C8orf34: variants seen among roughly 807,000 people sequenced by gnomAD.
The protein encoded by C8orf34 is chromosome 8 open reading frame 34.
Under a neutral mutation model 68.3 loss-of-function variants are expected in C8orf34, and 65 were observed. The ratio of observed to expected loss-of-function variants is 0.95; its 90% CI spans 0.78 to 1.17. C8orf34 has a LOEUF of 1.17. C8orf34 is among the 50% of genes most tolerant of loss of function. C8orf34 has a pLI of 0.00. For synonymous variants in C8orf34, 244 were observed against 241.2 expected, an observed-to-expected ratio of 1.01 and a Z score of -0.11; for missense variants, 664 against 655.4, an observed-to-expected ratio of 1.01 and a Z score of -0.14.
chr8:68,554,189 T>G (rs1261627517), intron 7 of C8orf34, among the ~76,000 whole-genome samples: 4 of 152,176 alleles, frequency 2.6e-5, no homozygotes, highest in African/African-American at 9.6e-5. Context: ...AGATGTATGT[T>G]ATACTTACAA....
At chr8:68,530,637 G>A (rs1207401676) in intron 6 of C8orf34, 10 of 1,216,764 alleles carry the variant, frequency 8.2e-6, no homozygotes, top group African/African-American at 1.6e-5. Context: ...AGATGCCATG[G>A]CAAGAGACTG....
intron 5 of C8orf34, among the ~76,000 whole-genome samples, chr8:68,506,825 C>T (rs1485496274): frequency 6.6e-6 from 1 of 151,406 alleles, no homozygotes; most frequent in Non-Finnish European, 1.5e-5. Context: ...TTTAATCTAC[C>T]ACATCTCTTT....
At chr8:68,655,532 T>C (rs1819486587) in intron 8 of C8orf34, among the ~76,000 whole-genome samples, 1 of 152,186 alleles carries the variant, frequency 6.6e-6, no homozygotes, top group South Asian at 2.1e-4. Flanking sequence ...TTCTGATTTT[T>C]TTCCTAGGCT....
intron 6 of C8orf34, chr8:68,525,931 C>T (rs1203304892): frequency 1.4e-5 from 3 of 221,802 alleles, no homozygotes; most frequent in South Asian, 5.5e-5. Context: ...AAGATGGCAG[C>T]TGAAAGAGAC....
At chr8:68,578,223 T>C (rs534735039) in intron 7 of C8orf34, among the ~76,000 whole-genome samples, 1 of 152,096 alleles carries the variant, frequency 6.6e-6, no homozygotes, top group Admixed American at 6.6e-5. Context: ...AACATGGAAT[T>C]TGATGTCTTG....
At chr8:68,405,499 G>T (rs1359163499) in intron 1 of C8orf34, among the ~76,000 whole-genome samples, 1 of 152,150 alleles carries the variant, frequency 6.6e-6, no homozygotes, top group East Asian at 1.9e-4. Flanking sequence ...GATTCAGCTG[G>T]ACTGGCAGAC....
intron 1 of C8orf34, among the ~76,000 whole-genome samples, chr8:68,417,031 C>T (rs886158158): frequency 9.9e-5 from 15 of 152,160 alleles, no homozygotes; most frequent in Admixed American, 6.6e-4. Flanking sequence ...ATGGGTTGAG[C>T]TTCTCTCTTG....
intron 10 of C8orf34, among the ~76,000 whole-genome samples, chr8:68,736,206 T>G (rs1822118074): frequency 1.3e-5 from 2 of 152,174 alleles, no homozygotes; most frequent in Admixed American, 1.3e-4. Flanking sequence ...TTTGATGTGT[T>G]TTCATACTGT....
chr8:68,583,955 C>A (rs1462596672), intron 7 of C8orf34, among the ~76,000 whole-genome samples: 3 of 151,900 alleles, frequency 2.0e-5, no homozygotes, highest in Admixed American at 6.6e-5. Flanking sequence ...TATGCAATCA[C>A]AAAAATTTTC....
chr8:68,454,662 GTTTTCTTAACT>G (rs1184349961), intron 3 of C8orf34, among the ~76,000 whole-genome samples: 1 of 151,840 alleles, frequency 6.6e-6, no homozygotes, highest in Non-Finnish European at 1.5e-5. Flanking sequence ...TCTAGCTAAA[GTTTTCTTAACT>G]TTTTCATCTT....
intron 4 of C8orf34, among the ~76,000 whole-genome samples, chr8:68,480,614 A>C (rs964865318): frequency 7.2e-5 from 11 of 152,208 alleles, no homozygotes; most frequent in Non-Finnish European, 1.5e-4. Flanking sequence ...AGTGATATGA[A>C]CAATAAGGTC....
chr8:68,711,900 C>G (rs111752106), intron 9 of C8orf34, among the ~76,000 whole-genome samples: 10,681 of 152,034 alleles, frequency 0.07, 480 homozygotes, highest in Non-Finnish European at 0.11. Context: ...TATCTAAAGT[C>G]AAGATGAAGG....
intron 8 of C8orf34, among the ~76,000 whole-genome samples, chr8:68,701,986 A>C (rs1402543729): frequency 6.6e-6 from 1 of 151,920 alleles, no homozygotes; most frequent in Non-Finnish European, 1.5e-5. Context: ...ACACACTATG[A>C]AGTTGTACAC....
intron 8 of C8orf34, among the ~76,000 whole-genome samples, chr8:68,692,506 A>G (rs1352748704): frequency 6.6e-6 from 1 of 152,038 alleles, no homozygotes; most frequent in Admixed American, 6.6e-5. Flanking sequence ...TTTGAATTCC[A>G]GCTTATATAG....
chr8:68,545,195 G>A (rs1159159336), intron 7 of C8orf34, among the ~76,000 whole-genome samples: 1 of 152,092 alleles, frequency 6.6e-6, no homozygotes, highest in Non-Finnish European at 1.5e-5. Flanking sequence ...TCCCCATACT[G>A]TTCCCGTGGT....
rs543140170 is a variant in C8orf34, at chr8:68,344,540, G to C, written c.327+13201G>C. ...TATAGTTTTGCAAAATATTACCAAT[G>C]GAGGAACATGAATAAAATGTACATG... On this transcript the variant is annotated intron_variant, in intron 1 of 13. Transcript: ENST00000518698. Among the ~76,000 whole-genome samples, 1,198 of 152,158 alleles carry C rather than the reference G, an allele frequency of 7.9e-3. 19 individuals are homozygous for C. Among genetic ancestry groups the C allele is most frequent in the African/African-American group, 0.027 (1,102 of 41,514 alleles).
chr8:68,416,208 T>C (rs1054521281), intron 1 of C8orf34, among the ~76,000 whole-genome samples: 1 of 152,160 alleles, frequency 6.6e-6, no homozygotes, highest in African/African-American at 2.4e-5. Context: ...TGGTTAAAAA[T>C]TAATTAATTT....
At chr8:68,650,533 G>A (rs1411798542) in intron 8 of C8orf34, among the ~76,000 whole-genome samples, 1 of 142,888 alleles carries the variant, frequency 7.0e-6, no homozygotes, top group African/African-American at 2.6e-5. Context: ...AGGCTGGAGT[G>A]CAGTGGCAGG....
intron 1 of C8orf34, among the ~76,000 whole-genome samples, chr8:68,426,217 C>T (rs1211566413): frequency 2.0e-5 from 3 of 151,446 alleles, no homozygotes; most frequent in Non-Finnish European, 4.4e-5. Context: ...ATGAAAAATC[C>T]TGTTAAGGGG....
Sources: gnomAD v4.1 joint callset for allele counts (sites outside exome capture counted in the v4.1 genomes callset) on GRCh38, gnomAD v4.1.1 for gene constraint, MANE v1.5 for transcripts, NCBI Gene and HGNC (gene_info 2026-07-23, HGNC 2026-07-21) for gene names.